MSI2: variants seen among roughly 807,000 people sequenced by gnomAD.
MSI2 encodes RNA-binding protein Musashi homolog 2.
A neutral mutation model predicts 45.6 loss-of-function variants in MSI2; 17 were observed. The ratio of observed to expected loss-of-function variants is 0.37; its 90% CI spans 0.26 to 0.56. MSI2 has a LOEUF of 0.56. MSI2 is among the 20% of genes least tolerant of loss of function. MSI2 has a pLI of 0.77. For synonymous variants in MSI2, 156 were observed against 158.2 expected, an observed-to-expected ratio of 0.99 and a Z score of 0.11; for missense variants, 293 against 444.2, an observed-to-expected ratio of 0.66 and a Z score of 3.06.
At chr17:57,447,758 C>G (rs1346243791) in intron 6 of MSI2, among the ~76,000 whole-genome samples, 1 of 152,156 alleles carries the variant, frequency 6.6e-6, no homozygotes, top group African/African-American at 2.4e-5. Flanking sequence ...ACCTGCTTGG[C>G]TTCTGGAATG....
intron 9 of MSI2, among the ~76,000 whole-genome samples, chr17:57,624,276 T>C (rs1908587139): frequency 6.6e-6 from 1 of 152,188 alleles, no homozygotes; most frequent in Non-Finnish European, 1.5e-5. Context: ...AGGAGCCATT[T>C]TTCATCTGGA....
At chr17:57,310,489 G>A (rs895105979) in intron 5 of MSI2, among the ~76,000 whole-genome samples, 4 of 151,922 alleles carry the variant, frequency 2.6e-5, no homozygotes, top group African/African-American at 4.8e-5. Flanking sequence ...ACACAACACC[G>A]CTCCCAGCTA....
chr17:57,378,227 G>A lies in MSI2; in HGVS notation c.313-23152G>A, dbSNP rs1194349909. Among the ~76,000 whole-genome samples the A allele has an allele frequency of 2.0e-5, 3 of 152,142 alleles. No individual in the cohort carries two copies. In the East Asian group the frequency reaches 5.8e-4, roughly 29 times the overall value. ...AGCCTCCTGAGTATCTGGGATTACA[G>A]GCATGTACCTCCATGTCCGGCTAAA... On this transcript the variant is annotated intron_variant, in intron 5 of 13. Transcript: ENST00000284073.
At chr17:57,419,043 A>G (rs2084346773) in intron 6 of MSI2, among the ~76,000 whole-genome samples, 1 of 152,222 alleles carries the variant, frequency 6.6e-6, no homozygotes, top group South Asian at 2.1e-4. Flanking sequence ...GGTTCTTAGT[A>G]TGAAATGTAA....
intron 5 of MSI2, among the ~76,000 whole-genome samples, chr17:57,384,139 T>A (rs1254348948): frequency 2.0e-5 from 3 of 152,232 alleles, no homozygotes; most frequent in African/African-American, 7.2e-5. Flanking sequence ...TGGAACAAAT[T>A]ACCCTCAAAT....
intron 5 of MSI2, among the ~76,000 whole-genome samples, chr17:57,389,660 G>GTCTC (rs1197021917): frequency 6.6e-6 from 1 of 152,226 alleles, no homozygotes; most frequent in Admixed American, 6.5e-5. Flanking sequence ...AATGAACATG[G>GTCTC]CTTGCCACTG....
intron 7 of MSI2, among the ~76,000 whole-genome samples, chr17:57,576,094 G>A (rs2088039363): frequency 6.6e-6 from 1 of 152,152 alleles, no homozygotes; most frequent in South Asian, 2.1e-4. Flanking sequence ...TCATTTGTAA[G>A]ACAGACACTG....
At chr17:57,501,444 C>T (rs924048795) in intron 6 of MSI2, among the ~76,000 whole-genome samples, 17 of 152,268 alleles carry the variant, frequency 1.1e-4, no homozygotes, top group South Asian at 2.1e-4. Context: ...CTGTCTCACT[C>T]TTCATCCCAC....
At chr17:57,488,575 C>G (rs570337245) in intron 6 of MSI2, among the ~76,000 whole-genome samples, 1 of 152,240 alleles carries the variant, frequency 6.6e-6, no homozygotes, top group Admixed American at 6.5e-5. Context: ...GTAATCCCAG[C>G]ACTTTGGGAG....
intron 6 of MSI2, among the ~76,000 whole-genome samples, chr17:57,506,014 A>T (rs2086220527): frequency 6.6e-6 from 1 of 152,148 alleles, no homozygotes. Context: ...TTTAAAACAG[A>T]GTTTCATGCA....
intron 5 of MSI2, among the ~76,000 whole-genome samples, chr17:57,345,950 G>T (rs1341519731): frequency 6.6e-6 from 1 of 151,712 alleles, no homozygotes; most frequent in Non-Finnish European, 1.5e-5. Context: ...CCTCTTGCTT[G>T]TAACAGTCGC....
Position 57,310,412 on chromosome 17 carries a change from C to T in MSI2, c.312+48220C>T, listed in dbSNP as rs535913363. On this transcript the variant is annotated intron_variant, in intron 5 of 13. Coordinates refer to ENST00000284073, the MANE Select transcript of MSI2 (RefSeq NM_138962.4). ...GCAGTGGCGTGATCTTGGCTCACTG[C>T]GACCTCTGCCTCTCAGGTTCAAGTG... Among the ~76,000 whole-genome samples, 64 of 151,918 alleles carry T rather than the reference C, an allele frequency of 4.2e-4. No homozygotes were observed. The South Asian group carries it at 0.012, about 30-fold the overall frequency.
chr17:57,495,547 A>G (rs111501764), intron 6 of MSI2, among the ~76,000 whole-genome samples: 1 of 149,588 alleles, frequency 6.7e-6, no homozygotes, highest in African/African-American at 2.5e-5. Context: ...AAAAAAAAAA[A>G]AAAAAGAAAG....
At chr17:57,383,945 C>T (rs1013606868) in intron 5 of MSI2, among the ~76,000 whole-genome samples, 31 of 152,292 alleles carry the variant, frequency 2.0e-4, no homozygotes, top group African/African-American at 7.0e-4. Flanking sequence ...CTGATAGCTG[C>T]GTGTAGACTG....
At chr17:57,685,109 T>C (rs1598526456), downstream of MSI2, among the ~76,000 whole-genome samples, 1 of 151,700 alleles carries the variant, frequency 6.6e-6, no homozygotes, top group African/African-American at 2.4e-5. Context: ...TGAGTAGGGG[T>C]CTGAATAGGT....
At chr17:57,283,108 G>A (rs1909568809) in intron 5 of MSI2, among the ~76,000 whole-genome samples, 1 of 152,122 alleles carries the variant, frequency 6.6e-6, no homozygotes, top group African/African-American at 2.4e-5. Context: ...TCCTGCAGCT[G>A]TGTTCTCTGT....
intron 5 of MSI2, among the ~76,000 whole-genome samples, chr17:57,356,422 C>T (rs1169309593): frequency 6.6e-6 from 1 of 152,110 alleles, no homozygotes. Context: ...TTTTGTCTGT[C>T]AGCCAAAAGC....
downstream of MSI2, among the ~76,000 whole-genome samples, chr17:57,687,014 C>T (rs538223057): frequency 3.4e-5 from 5 of 147,060 alleles, no homozygotes; most frequent in African/African-American, 7.3e-5. Context: ...AGCCCCCCCC[C>T]CAAAAAATTT....
intron 9 of MSI2, among the ~76,000 whole-genome samples, chr17:57,622,603 G>A (rs1040822261): frequency 7.9e-5 from 12 of 152,120 alleles, no homozygotes; most frequent in East Asian, 1.9e-4. Context: ...GAAGCCCCGC[G>A]TGAAGTCCTG....
Sources: allele counts gnomAD v4.1 joint callset (sites outside exome capture counted in the v4.1 genomes callset), GRCh38; gene constraint gnomAD v4.1.1; transcripts MANE v1.5; gene names NCBI Gene and HGNC (gene_info 2026-07-23, HGNC 2026-07-21).